Variants in RNF214 observed in about 807,000 individuals in gnomAD.
RNF214 encodes ring finger protein 214.
A neutral mutation model predicts 75.9 loss-of-function variants in RNF214; 25 were observed. That is an observed-to-expected ratio of 0.33 (90% confidence interval 0.24 to 0.46). RNF214 has a LOEUF of 0.46. Ranked by LOEUF, RNF214 falls within the 20% of genes least tolerant of loss-of-function variation. RNF214 has a pLI of 1.00. For missense variants in RNF214, 725 were observed against 857.5 expected (o/e 0.85, Z 1.93); for synonymous variants, 314 against 308.8 (o/e 1.02, Z -0.18).
At chr11:117,255,555 G>T (rs935241541) in intron 6 of RNF214, among the ~76,000 whole-genome samples, 2 of 151,396 alleles carry the variant, frequency 1.3e-5, no homozygotes, top group African/African-American at 4.9e-5. Flanking sequence ...TCTCAACTCT[G>T]TTGCCCAGGC....
At chr11:117,260,529 T>C (rs1028654507) in intron 6 of RNF214, among the ~76,000 whole-genome samples, 14 of 152,242 alleles carry the variant, frequency 9.2e-5, no homozygotes, top group Non-Finnish European at 1.6e-4. Flanking sequence ...CACTGTCTGC[T>C]GGGCATGGTG....
intron 1 of RNF214, among the ~76,000 whole-genome samples, chr11:117,233,150 TC>T (rs2032772623): frequency 1.3e-5 from 2 of 152,228 alleles, no homozygotes. Flanking sequence ...AGCCAGCTGT[TC>T]CTACCCGCGC....
At chr11:117,258,965 A>C (rs2033594210) in intron 6 of RNF214, among the ~76,000 whole-genome samples, 1 of 151,910 alleles carries the variant, frequency 6.6e-6, no homozygotes, top group South Asian at 2.1e-4. Context: ...TATTTTATTT[A>C]TTTATTTTTG....
At chr11:117,274,551 A>C (rs550299630) in intron 6 of RNF214, among the ~76,000 whole-genome samples, 48 of 151,308 alleles carry the variant, frequency 3.2e-4, no homozygotes, top group Non-Finnish European at 6.2e-4. Flanking sequence ...TATTTTTAGT[A>C]GAGACGAGGT....
intron 2 of RNF214, among the ~76,000 whole-genome samples, chr11:117,236,986 G>T (rs544201957): frequency 3.9e-5 from 6 of 152,312 alleles, no homozygotes; most frequent in Admixed American, 2.6e-4. Flanking sequence ...GGTGGGCGGA[G>T]TCAGGATTCA....
At chr11:117,241,465 A>C (rs1247711028) in intron 4 of RNF214, among the ~76,000 whole-genome samples, 1 of 151,804 alleles carries the variant, frequency 6.6e-6, no homozygotes, top group Non-Finnish European at 1.5e-5. Context: ...CTCTAGTCCT[A>C]GCTACTCAGG....
intron 2 of RNF214, 145 bp from the exon 3 acceptor site, chr11:117,238,456 C>G (rs542536788): frequency 2.6e-6 from 2 of 757,092 alleles, no homozygotes; most frequent in Non-Finnish European, 4.2e-6. Flanking sequence ...GGCTATACTA[C>G]CTGCATACAG....
intron 2 of RNF214, among the ~76,000 whole-genome samples, chr11:117,236,494 G>T (rs1340178999): frequency 6.6e-6 from 1 of 151,848 alleles, no homozygotes; most frequent in African/African-American, 2.4e-5. Flanking sequence ...GGATGGTCTC[G>T]ATCTTCCGAC....
At chr11:117,240,648 A>G (rs2033052877) in intron 4 of RNF214, among the ~76,000 whole-genome samples, 1 of 152,036 alleles carries the variant, frequency 6.6e-6, no homozygotes, top group African/African-American at 2.4e-5. Flanking sequence ...AGATTGCACC[A>G]CTGCACCCCA....
intron 6 of RNF214, chr11:117,264,085 G>C (rs1284598790): frequency 6.5e-6 from 1 of 153,092 alleles, no homozygotes; most frequent in Non-Finnish European, 1.5e-5. Context: ...CACTTTGGGA[G>C]GCCGAGGCGG....
In RNF214 at chr11:117,282,850, T is replaced by G. The variant is rs1419725723; in HGVS notation, c.1950T>G (p.His650Gln). The G allele has an allele frequency of 6.2e-7, 1 of 1,605,506 alleles. No individual in the cohort carries two copies. Among genetic ancestry groups the G allele is most frequent in the East Asian group, 2.2e-5 (1 of 44,844 alleles). The change falls in exon 13 of 15, where the codon CAT (histidine) becomes CAG (glutamine). Residue 650 changes from histidine (H) to glutamine (Q), a missense_variant and splice_region_variant. Transcript: ENST00000300650. ...TTTCATATCCTGGAAGGTCTTCACA[T>G]GTAAGACTCTTTTTCTTTGAACACT... ...AQVSYPGRSS[H>Q]APATCKLCLM...
chr11:117,238,070 C>T (rs2032961230), intron 2 of RNF214, among the ~76,000 whole-genome samples: 1 of 152,136 alleles, frequency 6.6e-6, no homozygotes, highest in African/African-American at 2.4e-5. Flanking sequence ...AATTGGCACT[C>T]AAAAATTATT....
At chr11:117,263,089 G>A (rs1216839171) in intron 6 of RNF214, among the ~76,000 whole-genome samples, 1 of 151,654 alleles carries the variant, frequency 6.6e-6, no homozygotes, top group East Asian at 1.9e-4. Context: ...TTACAGGCGT[G>A]AGCCACTACG....
Position 117,239,101 on chromosome 11 carries a change from T to C in RNF214, c.608T>C (p.Ile203Thr). Residue 203 changes from isoleucine to threonine, a missense_variant, in exon 3 of 15, where the codon ATT becomes ACT. Coordinates refer to ENST00000300650, the MANE Select transcript of RNF214 (RefSeq NM_207343.4). The part of the protein sequence containing the change: ...DSSSLKLSQN[I>T]AVQTDFKTAD... ...TCTTCCCTGAAGCTTTCTCAGAACA[T>C]TGCTGTACAGGTCAAGTGTCAAGTT... 6.2e-7 allele frequency: 1 copy of C among 1,609,470 alleles called. No individual in the cohort carries two copies. The highest frequency in any genetic ancestry group is 8.5e-7 in the Non-Finnish European group (1 of 1,177,420).
At chr11:117,238,523 A>G in intron 2 of RNF214, 78 bp from the exon 3 acceptor site, 1 of 1,265,720 alleles carries the variant, frequency 7.9e-7, no homozygotes, top group Non-Finnish European at 1.1e-6. Context: ...GGGAGGGTTT[A>G]CGTAGTCTAG....
Position 117,281,335 on chromosome 11 carries a change from G to T in RNF214, c.1167G>T (p.Glu389Asp). The T allele has an allele frequency of 6.2e-7, 1 of 1,613,414 alleles. No individual in the cohort carries two copies. Among genetic ancestry groups the T allele is most frequent in the South Asian group, 1.1e-5 (1 of 91,058 alleles). Residue 389 changes from glutamate to aspartate, a missense_variant, in exon 9 of 15, where the codon GAG becomes GAT. Around this residue, in one of 2 missense-constraint regions of RNF214, gnomAD observed 363 missense variants for 513.0 expected, o/e 0.71. Coordinates refer to ENST00000300650, the MANE Select transcript of RNF214 (RefSeq NM_207343.4). ...AAAGGTCAACTCCCCCAACACTGGA[G>T]ACAGTTCGTTCCAAACAGGAGTGGG... is the stretch of plus-strand genomic sequence containing the variant. ...TYLKSTPPTL[E>D]TVRSKQEWET...
chr11:117,267,214 G>C (rs2033815342), intron 6 of RNF214, among the ~76,000 whole-genome samples: 2 of 150,538 alleles, frequency 1.3e-5, no homozygotes, highest in Non-Finnish European at 2.9e-5. Flanking sequence ...TTTTGTAACA[G>C]TGTCTTTTGA....
intron 4 of RNF214, among the ~76,000 whole-genome samples, chr11:117,241,363 C>G (rs1227734260): frequency 6.6e-6 from 1 of 151,714 alleles, no homozygotes; most frequent in Non-Finnish European, 1.5e-5. Flanking sequence ...GGGTAGATCA[C>G]GAGGTCAAGA....
chr11:117,262,574 G>A (rs2033690620), intron 6 of RNF214, among the ~76,000 whole-genome samples: 1 of 151,808 alleles, frequency 6.6e-6, no homozygotes, highest in African/African-American at 2.4e-5. Flanking sequence ...TAAATACAGG[G>A]TCTCGCTATA....
Sources: gnomAD v4.1 joint callset for allele counts (sites outside exome capture counted in the v4.1 genomes callset) on GRCh38, gnomAD v4.1.1 for gene constraint, gnomAD v4.1.1 regional missense constraint, MANE v1.5 for transcripts, NCBI Gene and HGNC (gene_info 2026-07-23, HGNC 2026-07-21) for gene names.